HIVEP1: variants seen among roughly 807,000 people sequenced by gnomAD.
HIVEP1 encodes HIVEP zinc finger 1, also known as zinc finger protein 40.
A neutral mutation model predicts 180.0 loss-of-function variants in HIVEP1; 36 were observed. That is an observed-to-expected ratio of 0.20 (90% CI 0.15 to 0.26). The LOEUF (loss-of-function observed/expected upper bound fraction) is 0.26. HIVEP1 is among the 10% of genes least tolerant of loss of function. The pLI is 1.00. For synonymous variants in HIVEP1, 1,239 were observed against 1,239.0 expected (o/e 1.00, Z 0.00); for missense variants, 3,143 against 3,268.7 (o/e 0.96, Z 0.94).
chr6:12,156,456 A>G (rs1218657085), intron 7 of HIVEP1, among the ~76,000 whole-genome samples: 1 of 152,100 alleles, frequency 6.6e-6, no homozygotes, highest in East Asian at 1.9e-4. Context: ...GCATATGGCT[A>G]GCCAGTTTTC....
chr6:12,197,730 T>C, the HIVEP1 span, among the ~76,000 whole-genome samples: 1 of 152,090 alleles, frequency 6.6e-6, no homozygotes, highest in South Asian at 2.1e-4. Flanking sequence ...AGGATCTGAT[T>C]TGCATTTCAG....
chr6:12,099,874 A>G (rs1774007243), intron 3 of HIVEP1, among the ~76,000 whole-genome samples: 1 of 152,214 alleles, frequency 6.6e-6, no homozygotes, highest in Admixed American at 6.5e-5. Flanking sequence ...TTTCTGAAGT[A>G]AGTTGTTTCT....
rs773562774 is a variant in HIVEP1 at position 12,123,561 on chromosome 6, A to G, written c.3766A>G (p.Lys1256Glu). Residue 1256 changes from lysine to glutamate, a missense_variant, in exon 4 of 9, where the codon AAG becomes GAG. Around this residue, in one of 12 missense-constraint regions of HIVEP1, gnomAD observed 1,357 missense variants for 1,260.5 expected, o/e 1.08. Coordinates refer to ENST00000379388, the MANE Select transcript of HIVEP1 (RefSeq NM_002114.4). Reference protein sequence around the residue: ...DLEAQCHDQEKSEKFSWPQRS... With the variant: ...DLEAQCHDQEESEKFSWPQRS... Reference sequence around the variant, plus strand: ...GGAAGCTCAATGCCATGATCAAGAAAAGTCAGAGAAGTTCAGTTGGCCCCA... The same window carrying G: ...GGAAGCTCAATGCCATGATCAAGAAGAGTCAGAGAAGTTCAGTTGGCCCCA... 5.6e-6 allele frequency: 9 copies of G among 1,614,010 alleles called. No individual in the cohort carries two copies. Among genetic ancestry groups the G allele is most frequent in the East Asian group, 2.2e-5 (1 of 44,896 alleles).
chr6:12,076,257 T>G (rs1772343453), intron 2 of HIVEP1, among the ~76,000 whole-genome samples: 1 of 152,246 alleles, frequency 6.6e-6, no homozygotes, highest in Admixed American at 6.5e-5. Context: ...ATATCTCTGT[T>G]TATGGCTTTG....
At chr6:12,013,108 G>A (rs1205187450) in intron 1 of HIVEP1, among the ~76,000 whole-genome samples, 1 of 152,230 alleles carries the variant, frequency 6.6e-6, no homozygotes, top group Admixed American at 6.5e-5. Flanking sequence ...AGCAGGCGGC[G>A]AGGAGGAGTC....
chr6:12,208,919 C>T, the HIVEP1 span, among the ~76,000 whole-genome samples: 4 of 152,324 alleles, frequency 2.6e-5, no homozygotes, highest in East Asian at 5.8e-4. Context: ...TGCGTTTATG[C>T]AACCTTTTCC....
intron 2 of HIVEP1, among the ~76,000 whole-genome samples, chr6:12,054,270 C>T (rs141287568): frequency 1.1e-3 from 173 of 152,280 alleles, no homozygotes; most frequent in Non-Finnish European, 1.6e-3. Flanking sequence ...AGTATATAGT[C>T]TATAGGTATA....
At chr6:12,143,826 C>A (rs530242839) in intron 7 of HIVEP1, among the ~76,000 whole-genome samples, 1 of 152,138 alleles carries the variant, frequency 6.6e-6, no homozygotes, top group African/African-American at 2.4e-5. Flanking sequence ...ATCCAACTTA[C>A]AAGGGATGTG....
At chr6:12,055,213 G>C (rs576595708) in intron 2 of HIVEP1, among the ~76,000 whole-genome samples, 3 of 152,304 alleles carry the variant, frequency 2.0e-5, no homozygotes, top group East Asian at 3.9e-4. Context: ...AGTGGCTCAC[G>C]CCTGTAATCC....
Position 12,164,511 on chromosome 6 carries a change from C to G in HIVEP1, c.*50C>G. The G allele has an allele frequency of 7.3e-7, 1 of 1,373,738 alleles. No homozygotes were observed. Among genetic ancestry groups the G allele is most frequent in the Non-Finnish European group, 9.9e-7 (1 of 1,014,264 alleles). 85.1% of individuals were successfully genotyped at this position (1,373,738 alleles called of 1,614,324 possible). On this transcript the variant is annotated 3_prime_UTR_variant, in exon 9 of 9. Transcript: ENST00000379388. ...TTTTTTATATAACACTTAAAGGTTT[C>G]TTTGAAAACCCTCCTTTCCTTAAAG...
chr6:12,050,841 A>C (rs1183514021), intron 2 of HIVEP1, among the ~76,000 whole-genome samples: 1 of 151,058 alleles, frequency 6.6e-6, no homozygotes, highest in East Asian at 2.0e-4. Context: ...CTTAATCTCC[A>C]CCTATTGAAA....
At chr6:12,191,614 A>AAAATAG in the HIVEP1 span, among the ~76,000 whole-genome samples, 3 of 152,186 alleles carry the variant, frequency 2.0e-5, no homozygotes, top group Non-Finnish European at 4.4e-5. Context: ...AATAAAAATA[A>AAAATAG]AAATGAATAC....
chr6:12,093,137 C>G (rs1213578736), intron 3 of HIVEP1, among the ~76,000 whole-genome samples: 1 of 152,168 alleles, frequency 6.6e-6, no homozygotes, highest in Non-Finnish European at 1.5e-5. Flanking sequence ...GAGACAGCCT[C>G]AGGCAAATGG....
At chr6:12,068,445 T>G (rs1771744916) in intron 2 of HIVEP1, among the ~76,000 whole-genome samples, 1 of 152,130 alleles carries the variant, frequency 6.6e-6, no homozygotes, top group Non-Finnish European at 1.5e-5. Flanking sequence ...ATGTAAAGGG[T>G]AAAGAATCAT....
the HIVEP1 span, among the ~76,000 whole-genome samples, chr6:12,202,241 A>G: frequency 6.6e-6 from 1 of 151,682 alleles, no homozygotes; most frequent in African/African-American, 2.4e-5. Flanking sequence ...TGCAGCCTTG[A>G]CCTCCCGGGG....
the HIVEP1 span, among the ~76,000 whole-genome samples, chr6:12,179,454 C>T: frequency 6.6e-6 from 1 of 152,132 alleles, no homozygotes; most frequent in Non-Finnish European, 1.5e-5. Flanking sequence ...TGATTGGAGC[C>T]AGAAAATAAA....
At chr6:12,082,555 A>G (rs962535858) in intron 2 of HIVEP1, among the ~76,000 whole-genome samples, 1 of 152,106 alleles carries the variant, frequency 6.6e-6, no homozygotes, top group African/African-American at 2.4e-5. Context: ...ACTCTAGGCT[A>G]TGGTTTTAAC....
chr6:12,120,621 G>T lies in HIVEP1; in HGVS notation c.826G>T (p.Ala276Ser). ...MSAAQKNEQG[A>S]MQSASHLYHQ... ...TGCTGCTCAGAAGAATGAGCAAGGG[G>T]CAATGCAGTCAGCTTCTCATTTGTA... The change falls in exon 4 of 9, where the codon GCA (alanine) becomes TCA (serine). Residue 276 changes from alanine (A) to serine (S), a missense_variant. By Grantham distance (99) the Ala-to-Ser change is moderately conservative. This residue lies in a region of HIVEP1 where 306 missense variants were observed against 310.6 expected (regional missense o/e 0.99). Transcript: ENST00000379388. 3.1e-6 allele frequency: 5 copies of T among 1,614,142 alleles called. No homozygotes were observed. The highest frequency in any genetic ancestry group is 4.2e-6 in the Non-Finnish European group (5 of 1,180,012).
At chr6:12,057,563 T>G (rs534898464) in intron 2 of HIVEP1, among the ~76,000 whole-genome samples, 26 of 152,314 alleles carry the variant, frequency 1.7e-4, no homozygotes, top group African/African-American at 5.3e-4. Flanking sequence ...TCCATTGTTC[T>G]GTTTTCTGTT....
Sources: allele counts gnomAD v4.1 joint callset (sites outside exome capture counted in the v4.1 genomes callset), GRCh38; gene constraint gnomAD v4.1.1; regional missense constraint gnomAD v4.1.1; transcripts MANE v1.5; gene names NCBI Gene and HGNC (gene_info 2026-07-23, HGNC 2026-07-21).